ICE1: variants seen among roughly 807,000 people sequenced by gnomAD.
The protein encoded by ICE1 is little elongation complex subunit 1.
Under a neutral mutation model 192.7 loss-of-function variants are expected in ICE1, and 64 were observed. The observed-to-expected ratio is 0.33, with a 90% CI of 0.27 to 0.41. ICE1 has a LOEUF of 0.41. ICE1 is among the 10% of genes least tolerant of loss of function. The pLI, the probability that ICE1 is intolerant of heterozygous loss-of-function variation, is 1.00. For synonymous variants in ICE1, 1,010 were observed against 984.5 expected, an observed-to-expected ratio of 1.03 and a Z score of -0.49; for missense variants, 2,708 against 2,696.0, an observed-to-expected ratio of 1.00 and a Z score of -0.10.
chr5:5,463,488 G>T lies in ICE1; in HGVS notation c.4154G>T (p.Ser1385Ile). 1.2e-6 allele frequency: 2 copies of T among 1,613,180 alleles called. No homozygotes were observed. The highest frequency in any genetic ancestry group is 1.7e-6 in the Non-Finnish European group (2 of 1,179,502). The part of the protein sequence containing the change: ...DSVMEPSIEQ[S>I]SNCEAETTFQ... ...GTGATGGAGCCATCCATAGAGCAAA[G>T]TTCTAACTGCGAGGCCGAAACAACA... The change falls in exon 13 of 19, where the codon AGT becomes ATT. Residue 1385 changes from serine (S) to isoleucine (I), a missense_variant. Physicochemically the swap from Ser to Ile is moderately radical, Grantham distance 142. Coordinates refer to ENST00000296564, the MANE Select transcript of ICE1 (RefSeq NM_015325.3).
Position 5,462,721 on chromosome 5 carries a change from A to T in ICE1, c.3387A>T (p.Ser1129=). 1 of 1,613,874 alleles carries T rather than the reference A, an allele frequency of 6.2e-7. No homozygotes were observed. The highest frequency in any genetic ancestry group is 8.5e-7 in the Non-Finnish European group (1 of 1,179,820). The change falls in exon 13 of 19, where the codon TCA becomes TCT. Residue 1129 remains serine (S), a synonymous_variant. Transcript: ENST00000296564. The part of the protein sequence containing the change: ...GSEQQDAPDD[S]QKNLGDTDAA... ...AACAGCAAGATGCTCCTGATGACTC[A>T]CAGAAAAATTTAGGAGACACAGATG...
chr5:5,489,231 C>T lies in ICE1; in HGVS notation c.6702C>T (p.Ile2234=), dbSNP rs779755507. The T allele has an allele frequency of 6.2e-7, 1 of 1,613,928 alleles. No homozygotes were observed. ...GCAATCCAGCAGAAATTTCCAAGAT[C>T]CTGGAAGCTTGGCGGAGAGAGGCCT... The part of the protein sequence containing the change: ...SPSNPAEISK[I]LEAWRREASK... The change falls in exon 19 of 19, where the codon ATC becomes ATT. Residue 2234 remains isoleucine, a synonymous_variant. Coordinates refer to ENST00000296564, the MANE Select transcript of ICE1 (RefSeq NM_015325.3).
At chr5:5,443,056 T>G (rs1399867672) in intron 5 of ICE1, 112 bp from the exon 6 acceptor site, 4 of 594,682 alleles carry the variant, frequency 6.7e-6, no homozygotes, top group Non-Finnish European at 1.2e-5. Flanking sequence ...GACTATTTTT[T>G]CTGCCTAATG....
At chr5:5,433,062 G>GT (rs1229023153) in intron 1 of ICE1, among the ~76,000 whole-genome samples, 1 of 152,146 alleles carries the variant, frequency 6.6e-6, no homozygotes, top group East Asian at 1.9e-4. Flanking sequence ...CTGTAAGAAG[G>GT]TATTTCCCTT....
At chr5:5,454,519 G>C in intron 10 of ICE1, 33 bp from the exon 11 acceptor site, 10 of 1,515,888 alleles carry the variant, frequency 6.6e-6, no homozygotes, top group Non-Finnish European at 7.3e-6. Flanking sequence ...TGAGCCAAAT[G>C]ACGTGACTTT....
intron 1 of ICE1, among the ~76,000 whole-genome samples, chr5:5,433,938 A>G (rs769345042): frequency 6.8e-6 from 1 of 147,386 alleles, no homozygotes; most frequent in Non-Finnish European, 1.5e-5. Flanking sequence ...AACATAGATG[A>G]AAAAAAAAAA....
Position 5,460,783 on chromosome 5 carries a change from AAC to A in ICE1, c.1453_1454del (p.Gln485AsnfsTer4). The A allele has an allele frequency of 1.2e-6, 2 of 1,614,036 alleles. No individual in the cohort carries two copies. The highest frequency in any genetic ancestry group is 1.7e-6 in the Non-Finnish European group (2 of 1,179,902). ...RKRDILHETK[T>X]QMEVREMDKS... is the part of the protein sequence containing the mutation. Reference sequence around the variant, plus strand: ...AAAGAGACATTTTACATGAGACAAAAACACAAATGGAGGTTAGGGAGATGGAT... The same window carrying A: ...AAAGAGACATTTTACATGAGACAAAAACAAATGGAGGTTAGGGAGATGGAT... On this transcript the variant is annotated frameshift_variant, in exon 13 of 19. Coordinates refer to ENST00000296564, the MANE Select transcript of ICE1 (RefSeq NM_015325.3). LOFTEE classifies it high-confidence loss of function.
At chr5:5,479,011 G>A (rs1401777823) in intron 17 of ICE1, among the ~76,000 whole-genome samples, 1 of 152,086 alleles carries the variant, frequency 6.6e-6, no homozygotes, top group Non-Finnish European at 1.5e-5. Context: ...GAAAAACTAG[G>A]CAATACCATT....
chr5:5,469,782 A>G (rs971187132), intron 15 of ICE1, among the ~76,000 whole-genome samples: 6 of 152,182 alleles, frequency 3.9e-5, no homozygotes, highest in African/African-American at 9.7e-5. Context: ...AAAGTTAGGT[A>G]AATATTAAAA....
rs750971338 is a variant in ICE1 at position 5,464,661 on chromosome 5, C to A, written c.5327C>A (p.Thr1776Lys). Residue 1776 changes from threonine to lysine, a missense_variant, in exon 13 of 19, where the codon ACA becomes AAA. Thr to Lys is a moderately conservative substitution (Grantham distance 78). Coordinates refer to ENST00000296564, the MANE Select transcript of ICE1 (RefSeq NM_015325.3). This position sits in a 1 kb window ranked among gnomAD's most constrained non-coding sequence, Gnocchi z 4.0. ...LNILKGNIQL[T>K]RGPPADCKNL... ...ATCCTCAAAGGGAATATTCAACTCA[C>A]ACGAGGTCCGCCTGCTGACTGTAAG... 7.4e-6 allele frequency: 12 copies of A among 1,613,680 alleles called. No individual in the cohort carries two copies. The Admixed American group carries it at 1.5e-4, about 20-fold the overall frequency.
At chr5:5,441,310 T>G in intron 5 of ICE1, 87 bp downstream of exon 5, 4 of 814,666 alleles carry the variant, frequency 4.9e-6, no homozygotes, top group Non-Finnish European at 8.0e-6. Context: ...GGGCTTTTGA[T>G]GTGTTAAAGG....
Position 5,422,873 on chromosome 5 carries a change from G to A in ICE1, c.-43G>A. On this transcript the variant is annotated 5_prime_UTR_variant, in exon 1 of 19. Coordinates refer to ENST00000296564, the MANE Select transcript of ICE1 (RefSeq NM_015325.3). The stretch of plus-strand genomic sequence containing the variant: ...GAGACAGGACGGGGCCGACGCCGCG[G>A]GCCCCTGAGGCGTGCGTGCCCACCG... 1 of 1,273,576 alleles carries A rather than the reference G, an allele frequency of 7.9e-7. No individual in the cohort carries two copies. The highest frequency in any genetic ancestry group is 9.9e-7 in the Non-Finnish European group (1 of 1,007,404). 78.9% of individuals were successfully genotyped at this position (1,273,576 alleles called of 1,614,324 possible). A position where few individuals can be genotyped will look rare whatever the true frequency, so the allele number is the denominator to read the frequency against.
Position 5,463,872 on chromosome 5 carries a change from G to A in ICE1, c.4538G>A (p.Arg1513Lys). 2 of 1,611,410 alleles carry A rather than the reference G, an allele frequency of 1.2e-6. No homozygotes were observed. Among genetic ancestry groups the A allele is most frequent in the South Asian group, 1.1e-5 (1 of 91,008 alleles). The change falls in exon 13 of 19, where the codon AGA becomes AAA. Residue 1513 changes from arginine to lysine, a missense_variant. This residue lies in a region of ICE1 where 2,366 missense variants were observed against 2,276.6 expected (regional missense o/e 1.04). Coordinates refer to ENST00000296564, the MANE Select transcript of ICE1 (RefSeq NM_015325.3). ...TTTGATAAGAGTCGTTTGCGAAATA[G>A]ACCCGTTAAGCCTAGTATATGGATT... ...TNFDKSRLRN[R>K]PVKPSIWISS...
Position 5,460,317 on chromosome 5 carries a change from C to A in ICE1, c.1102-119C>A, listed in dbSNP as rs944618311. 8.0e-6 allele frequency: 6 copies of A among 750,132 alleles called. No individual in the cohort carries two copies. In the Admixed American group the frequency reaches 1.8e-4, roughly 22 times the overall value. 46.5% of individuals were successfully genotyped at this position (750,132 alleles called of 1,614,324 possible). A position where few individuals can be genotyped will look rare whatever the true frequency, so the allele number is the denominator to read the frequency against. ...CAGAGATTCCTAGCCTGCCCCTGCTCAAACGTGATTGTAAAGATTCTTCAG... is the reference window on the plus strand; with the variant it reads ...CAGAGATTCCTAGCCTGCCCCTGCTAAAACGTGATTGTAAAGATTCTTCAG... On this transcript the variant is annotated intron_variant, in intron 12 of 18. Coordinates refer to ENST00000296564, the MANE Select transcript of ICE1 (RefSeq NM_015325.3).
At chr5:5,425,281 A>G (rs1233922029) in intron 1 of ICE1, among the ~76,000 whole-genome samples, 1 of 152,204 alleles carries the variant, frequency 6.6e-6, no homozygotes. Context: ...CAAAACATCA[A>G]TAAGAGTAAT....
intron 16 of ICE1, among the ~76,000 whole-genome samples, chr5:5,474,002 A>T (rs2578558): frequency 6.6e-6 from 1 of 151,754 alleles, no homozygotes; most frequent in Non-Finnish European, 1.5e-5. Context: ...CGAGGTCAGG[A>T]GATCGAGACC....
At chr5:5,423,068 TG>T (rs1737365240) in intron 1 of ICE1, 69 bp downstream of exon 1, 1 of 1,104,260 alleles carries the variant, frequency 9.1e-7, no homozygotes, top group Non-Finnish European at 1.2e-6. Context: ...CGCAGGGATG[TG>T]GGGTCCGGCC....
At chr5:5,451,882 C>T (rs1421814576) in intron 10 of ICE1, among the ~76,000 whole-genome samples, 1 of 152,054 alleles carries the variant, frequency 6.6e-6, no homozygotes, top group African/African-American at 2.4e-5. Flanking sequence ...TCTCAAGATT[C>T]AGGACTCTTG....
chr5:5,443,316 TG>T, intron 6 of ICE1, 72 bp downstream of exon 6: 1 of 836,130 alleles, frequency 1.2e-6, no homozygotes. Flanking sequence ...AAGTCGGTAG[TG>T]TTTTTTTTTT....
Sources: allele counts gnomAD v4.1 joint callset (sites outside exome capture counted in the v4.1 genomes callset), GRCh38; gene constraint gnomAD v4.1.1; regional missense constraint gnomAD v4.1.1; non-coding constraint Gnocchi (gnomAD v3.1); transcripts MANE v1.5; gene names NCBI Gene and HGNC (gene_info 2026-07-23, HGNC 2026-07-21).